Variants in GCN1 observed in about 807,000 individuals in gnomAD.
GCN1 encodes the protein stalled ribosome sensor GCN1.
A neutral mutation model predicts 288.4 loss-of-function variants in GCN1; 90 were observed. That is an observed-to-expected ratio of 0.31 (90% CI 0.26 to 0.37). The LOEUF is 0.37. Among genes scored for constraint, GCN1 ranks in the 10% least tolerant of loss-of-function variants. The pLI is 1.00. For synonymous variants in GCN1, 1,386 were observed against 1,420.2 expected, an observed-to-expected ratio of 0.98 and a Z score of 0.54; for missense variants, 2,586 against 3,419.9, an observed-to-expected ratio of 0.76 and a Z score of 6.08.
intron 15 of GCN1, among the ~76,000 whole-genome samples, chr12:120,169,276 C>CAAAA (rs35819206): frequency 3.3e-4 from 22 of 66,528 alleles, no homozygotes; most frequent in East Asian, 4.8e-4. Flanking sequence ...AACTCCGTCT[C>CAAAA]AAAAAAAAAA....
chr12:120,132,997 T>G (rs1376114546), intron 53 of GCN1, among the ~76,000 whole-genome samples: 1 of 152,236 alleles, frequency 6.6e-6, no homozygotes, highest in East Asian at 1.9e-4. Flanking sequence ...TATGTTTCAA[T>G]ACTAACTTTT....
Position 120,155,628 on chromosome 12 carries a change from A to C in GCN1, c.3404T>G (p.Phe1135Cys). ...NLLRRLWVVK[F>C]DKEEEIRKLA... Reference sequence around the variant, plus strand: ...CTTCCGGATCTCCTCCTCCTTGTCAAACTTGACCACCCAGAGTCTCCGCAG... The same window carrying C: ...CTTCCGGATCTCCTCCTCCTTGTCACACTTGACCACCCAGAGTCTCCGCAG... The change falls in exon 29 of 58, where the codon TTT (phenylalanine) becomes TGT (cysteine). Residue 1135 changes from phenylalanine to cysteine, a missense_variant. Coordinates refer to ENST00000300648, the MANE Select transcript of GCN1 (RefSeq NM_006836.2). The surrounding 1 kb of genome is among the most constrained non-coding windows in gnomAD (Gnocchi z 4.9). 6.2e-7 allele frequency: 1 copy of C among 1,614,010 alleles called. No homozygotes were observed. The highest frequency in any genetic ancestry group is 8.5e-7 in the Non-Finnish European group (1 of 1,179,976).
At chr12:120,146,633 A>G (rs1366030991) in intron 38 of GCN1, among the ~76,000 whole-genome samples, 1 of 152,210 alleles carries the variant, frequency 6.6e-6, no homozygotes, top group African/African-American at 2.4e-5. Context: ...GCTATGGCAG[A>G]CAGTGAGACC....
In GCN1 at chr12:120,155,656, G is replaced by A; in HGVS notation, c.3376C>T (p.Leu1126Phe). ...TTGACCACCCAGAGTCTCCGCAGAAGGTTCAGGCCATTCTTCTCATCAGTA... is the reference window on the plus strand; with the variant it reads ...TTGACCACCCAGAGTCTCCGCAGAAAGTTCAGGCCATTCTTCTCATCAGTA... ...PDTDEKNGLN[L>F]LRRLWVVKFD... Residue 1126 changes from leucine to phenylalanine, a missense_variant, in exon 29 of 58, where the codon CTT becomes TTT. By Grantham distance (22) the Leu-to-Phe change is conservative. Transcript: ENST00000300648. This position sits in a 1 kb window ranked among gnomAD's most constrained non-coding sequence, Gnocchi z 4.9. The A allele has an allele frequency of 6.2e-6, 10 of 1,613,954 alleles. No homozygotes were observed. Among genetic ancestry groups the A allele is most frequent in the Non-Finnish European group, 8.5e-6 (10 of 1,179,854 alleles).
At chr12:120,170,587 T>A (rs1383848853) in intron 14 of GCN1, among the ~76,000 whole-genome samples, 1 of 150,810 alleles carries the variant, frequency 6.6e-6, no homozygotes, top group East Asian at 2.0e-4. Flanking sequence ...GGCGGGTGGA[T>A]CACCTGAGGC....
At position 120,182,170 on chromosome 12, in the gene GCN1, A is replaced by C. The variant is rs571622538; in HGVS notation, c.426+1399T>G. Among the ~76,000 whole-genome samples, 13 of 151,954 alleles carry C rather than the reference A, an allele frequency of 8.6e-5. No homozygotes were observed. In the South Asian group the frequency reaches 2.3e-3, roughly 27 times the overall value. On this transcript the variant is annotated intron_variant, in intron 5 of 57. Coordinates refer to ENST00000300648, the MANE Select transcript of GCN1 (RefSeq NM_006836.2). ...TCTCTCAAAGAAAACAAAAAAAAAA[A>C]AACAAAAAAAACCACTCAGTGCAGA...
rs1430505334 is a variant in GCN1, at chr12:120,161,526, G to A, written c.2400C>T (p.Ser800=). 6.2e-7 allele frequency: 1 copy of A among 1,613,810 alleles called. No individual in the cohort carries two copies. Among genetic ancestry groups the A allele is most frequent in the Non-Finnish European group, 8.5e-7 (1 of 1,179,832 alleles). Residue 800 remains serine (S), a synonymous_variant, in exon 22 of 58, where the codon TCC becomes TCT. Transcript: ENST00000300648. Reference sequence around the variant, plus strand: ...CCAGCTCGATGATCTGCTCTTTGAAGGAATAAGCTTTGTTCTCTCGCTTCA... The same window carrying A: ...CCAGCTCGATGATCTGCTCTTTGAAAGAATAAGCTTTGTTCTCTCGCTTCA... The part of the protein sequence containing the change: ...ANMKRENKAY[S]FKEQIIELEL...
intron 56 of GCN1, 30 bp downstream of exon 56, chr12:120,130,616 G>A (rs1399280079): frequency 6.9e-7 from 1 of 1,444,918 alleles, no homozygotes; most frequent in Non-Finnish European, 9.7e-7. Flanking sequence ...CAGGTGTTAG[G>A]GCTTAAACAC....
chr12:120,188,212 T>C lies in GCN1; in HGVS notation c.121+2086A>G, dbSNP rs547580821. The stretch of plus-strand genomic sequence containing the variant: ...ACTTTGGGAGGCCAAGGCAGGCGGA[T>C]AACCTGAGATCAGGAGTTCAAGACC... On this transcript the variant is annotated intron_variant, in intron 2 of 57. Transcript: ENST00000300648. 2.6e-5 allele frequency among the ~76,000 whole-genome samples: 4 copies of C among 151,752 alleles called. No individual in the cohort carries two copies. The South Asian group carries it at 8.4e-4, about 32-fold the overall frequency.
At chr12:120,136,758 T>A (rs1431819069) in intron 50 of GCN1, 26 bp from the exon 51 acceptor site, 1 of 1,566,712 alleles carries the variant, frequency 6.4e-7, no homozygotes, top group Non-Finnish European at 8.8e-7. Flanking sequence ...CAACTGAGAG[T>A]CAAATCTCAA....
chr12:120,145,069 G>A lies in GCN1; in HGVS notation c.5017-8C>T. ...TGCAGATACGGTCCGCACCTGTCAG[G>A]TAACCGAGAGCAGAGATGGTGTGAG... On this transcript the variant is annotated splice_polypyrimidine_tract_variant and splice_region_variant and intron_variant, in intron 39 of 57. Coordinates refer to ENST00000300648, the MANE Select transcript of GCN1 (RefSeq NM_006836.2). 1.9e-6 allele frequency: 3 copies of A among 1,613,976 alleles called. No individual in the cohort carries two copies.
At chr12:120,192,819 C>T (rs945180867) in intron 1 of GCN1, among the ~76,000 whole-genome samples, 7 of 145,092 alleles carry the variant, frequency 4.8e-5, no homozygotes, top group Non-Finnish European at 7.5e-5. Flanking sequence ...CAGAGGCGGA[C>T]AGATTGCTTG....
At chr12:120,190,224 C>CAAA (rs34357352) in intron 2 of GCN1, 74 bp downstream of exon 2, 897 of 573,634 alleles carry the variant, frequency 1.6e-3, no homozygotes, top group Non-Finnish European at 1.7e-3. Context: ...GACTCTGTCT[C>CAAA]AAAAAAAAAA....
chr12:120,184,239 C>T lies in GCN1; in HGVS notation c.190G>A (p.Ala64Thr). The change falls in exon 4 of 58, where the codon GCA (alanine) becomes ACA (threonine). Residue 64 changes from alanine to threonine, a missense_variant. Ala to Thr is a moderately conservative substitution (Grantham distance 58). Transcript: ENST00000300648. ...GCCTGCAAGGCCCTGCGGGAGGCTG[C>T]ATCTCTAGGGGGAGAGGCAAAGGAA... ...FCLTLHRYRD[A>T]ASRRALQAAI... is the part of the protein sequence containing the mutation. 1.2e-6 allele frequency: 2 copies of T among 1,612,570 alleles called. No homozygotes were observed. The highest frequency in any genetic ancestry group is 1.7e-6 in the Non-Finnish European group (2 of 1,179,568).
At chr12:120,151,781 T>G (rs886564856) in intron 33 of GCN1, among the ~76,000 whole-genome samples, 2 of 152,166 alleles carry the variant, frequency 1.3e-5, no homozygotes, top group African/African-American at 4.8e-5. Context: ...TCCAAACTTG[T>G]CAAAATCACA....
chr12:120,169,438 C>T (rs1284884400), intron 15 of GCN1, among the ~76,000 whole-genome samples: 2 of 149,886 alleles, frequency 1.3e-5, no homozygotes, highest in African/African-American at 4.9e-5. Flanking sequence ...AGTAATATGG[C>T]ATATAGCGTA....
chr12:120,156,500 C>T lies in GCN1; in HGVS notation c.3273G>A (p.Leu1091=). 1 of 1,614,076 alleles carries T rather than the reference C, an allele frequency of 6.2e-7. No individual in the cohort carries two copies. The highest frequency in any genetic ancestry group is 1.3e-5 in the African/African-American group (1 of 75,052). ...CCCGCACGCTGGCACACGGGGACTG[C>T]AAGGCACAGAGCAGCACGTCCACCT... ...QEEVDVLLCA[L]QSPCASVRET... is the part of the protein sequence containing the mutation. Residue 1091 remains leucine (L), a synonymous_variant, in exon 28 of 58, where the codon TTG becomes TTA. Transcript: ENST00000300648. This position sits in a 1 kb window ranked among gnomAD's most constrained non-coding sequence, Gnocchi z 5.8.
intron 17 of GCN1, 29 bp downstream of exon 17, chr12:120,164,617 A>C: frequency 6.2e-7 from 1 of 1,609,282 alleles, no homozygotes; most frequent in Non-Finnish European, 8.5e-7. Context: ...CATTTGGCCC[A>C]AAAGAAAAGG....
chr12:120,175,047 A>C, intron 12 of GCN1, 115 bp downstream of exon 12: 1 of 842,632 alleles, frequency 1.2e-6, no homozygotes, highest in Non-Finnish European at 1.9e-6. Flanking sequence ...GGATCGCTTG[A>C]ACCTGGGAGG....
Sources: allele counts gnomAD v4.1 joint callset (sites outside exome capture counted in the v4.1 genomes callset), GRCh38; gene constraint gnomAD v4.1.1; non-coding constraint Gnocchi (gnomAD v3.1); transcripts MANE v1.5; gene names NCBI Gene and HGNC (gene_info 2026-07-23, HGNC 2026-07-21).